ARL8B: variants seen among roughly 807,000 people sequenced by gnomAD.
The protein encoded by ARL8B is ARF like GTPase 8B.
In ARL8B, 9 loss-of-function variants were observed where a neutral mutation model predicts 30.6. The ratio of observed to expected loss-of-function variants is 0.29; its 90% CI spans 0.18 to 0.51. The LOEUF (loss-of-function observed/expected upper bound fraction) is 0.51. Among genes scored for constraint, ARL8B ranks in the 20% least tolerant of loss-of-function variants. ARL8B has a pLI of 0.97. For synonymous variants in ARL8B, 74 were observed against 76.0 expected (o/e 0.97, Z 0.14); for missense variants, 130 against 227.2 (o/e 0.57, Z 2.75).
rs955374222 is a variant in ARL8B at position 5,180,879 on chromosome 3, A to G, written c.*2166A>G. ...CCTCAAAGAATGGGGTCTGTGGGCT[A>G]GTTAAAATAGAAATAAACTTTTAAA... On this transcript the variant is annotated 3_prime_UTR_variant, in exon 7 of 7. Transcript: ENST00000256496. The G allele has an allele frequency of 7.9e-5, 12 of 152,594 alleles. No individual in the cohort carries two copies. Among genetic ancestry groups the G allele is most frequent in the African/African-American group, 2.9e-4 (12 of 41,444 alleles). The allele number at this position is 152,594 out of a possible 1,614,324, so 9.5% of individuals were successfully genotyped here.
In ARL8B at chr3:5,172,238, T is replaced by C; in HGVS notation, c.278+15T>C. On this transcript the variant is annotated intron_variant, in intron 3 of 6. Coordinates refer to ENST00000256496, the MANE Select transcript of ARL8B (RefSeq NM_018184.3). ...AATGCTATTGTGTAAGTGGTTTTTT[T>C]TTGTTTGTTTGCTTTTAAATCAATG... The C allele has an allele frequency of 1.2e-6, 2 of 1,600,994 alleles. No individual in the cohort carries two copies. Among genetic ancestry groups the C allele is most frequent in the Non-Finnish European group, 1.7e-6 (2 of 1,173,900 alleles).
intron 6 of ARL8B, among the ~76,000 whole-genome samples, chr3:5,175,691 C>A (rs777847384): frequency 2.0e-5 from 3 of 152,168 alleles, no homozygotes; most frequent in African/African-American, 7.2e-5. Flanking sequence ...TCAGCAGGGT[C>A]GTGTTCTCTC....
At chr3:5,131,120 C>A (rs2054279331) in intron 1 of ARL8B, among the ~76,000 whole-genome samples, 1 of 151,954 alleles carries the variant, frequency 6.6e-6, no homozygotes. Context: ...ACCATGTGGG[C>A]CAGGCTGGTG....
chr3:5,140,475 A>C (rs977963091), intron 1 of ARL8B, among the ~76,000 whole-genome samples: 5 of 151,900 alleles, frequency 3.3e-5, no homozygotes, highest in Admixed American at 3.3e-4. Flanking sequence ...ACTGTGAGTC[A>C]ATTAAACCTC....
At chr3:5,175,867 G>A (rs904820710) in intron 6 of ARL8B, among the ~76,000 whole-genome samples, 4 of 152,074 alleles carry the variant, frequency 2.6e-5, no homozygotes, top group African/African-American at 9.7e-5. Flanking sequence ...TCCTAAGGAC[G>A]CAAGTCACTG....
intron 1 of ARL8B, among the ~76,000 whole-genome samples, chr3:5,135,850 G>A (rs942580688): frequency 6.9e-6 from 1 of 144,758 alleles, no homozygotes; most frequent in Non-Finnish European, 1.5e-5. Flanking sequence ...GCAGTGGCGC[G>A]ATGTTGGCTC....
chr3:5,155,632 C>T (rs374117607), intron 1 of ARL8B, among the ~76,000 whole-genome samples: 4 of 151,302 alleles, frequency 2.6e-5, no homozygotes, highest in African/African-American at 9.7e-5. Flanking sequence ...TAATTAATTC[C>T]ATTTGTCCTA....
At chr3:5,175,475 A>G (rs1411222419) in intron 6 of ARL8B, among the ~76,000 whole-genome samples, 5 of 152,224 alleles carry the variant, frequency 3.3e-5, no homozygotes, top group Non-Finnish European at 7.3e-5. Context: ...AGGCACTACA[A>G]CAATTTTTCA....
intron 1 of ARL8B, among the ~76,000 whole-genome samples, chr3:5,165,571 G>A (rs1036781410): frequency 5.9e-5 from 9 of 152,004 alleles, no homozygotes; most frequent in South Asian, 4.2e-4. Context: ...CTGTACCAAA[G>A]GAAAAAATCT....
At chr3:5,165,096 G>T (rs2106568226) in intron 1 of ARL8B, among the ~76,000 whole-genome samples, 1 of 152,230 alleles carries the variant, frequency 6.6e-6, no homozygotes, top group Non-Finnish European at 1.5e-5. Flanking sequence ...ACAAAGTGTT[G>T]CCTGATTTCT....
At chr3:5,138,011 T>TTTG (rs202226312) in intron 1 of ARL8B, among the ~76,000 whole-genome samples, 2 of 152,008 alleles carry the variant, frequency 1.3e-5, no homozygotes, top group Admixed American at 6.6e-5. Flanking sequence ...ATGAGAGGTT[T>TTTG]TTGTTGTTGT....
intron 1 of ARL8B, among the ~76,000 whole-genome samples, chr3:5,134,039 T>G (rs780748167): frequency 1.3e-5 from 2 of 152,218 alleles, no homozygotes; most frequent in Non-Finnish European, 2.9e-5. Flanking sequence ...GAATGCTATA[T>G]TTAAGTTCAG....
chr3:5,173,367 T>C (rs982658354), intron 4 of ARL8B, among the ~76,000 whole-genome samples: 3 of 152,148 alleles, frequency 2.0e-5, no homozygotes, highest in Admixed American at 1.3e-4. Context: ...ATAATGCAAA[T>C]CCAAAAAATT....
intron 2 of ARL8B, among the ~76,000 whole-genome samples, chr3:5,171,738 C>T (rs1365391859): frequency 1.3e-5 from 2 of 152,226 alleles, no homozygotes; most frequent in African/African-American, 4.8e-5. Context: ...TAATGTAGAA[C>T]AAATCAGACG....
rs190468531 is a variant in ARL8B at position 5,147,428 on chromosome 3, C to G, written c.124-23075C>G. 3.2e-3 allele frequency among the ~76,000 whole-genome samples: 490 copies of G among 152,190 alleles called. 2 individuals are homozygous for G. Among genetic ancestry groups the G allele is most frequent in the Non-Finnish European group, 5.2e-3 (357 of 68,014 alleles). On this transcript the variant is annotated intron_variant, in intron 1 of 6. Transcript: ENST00000256496. ...CATTGTTGGACATTTGGGTTGGTTCCAAGTCTTTGCTATTGGGGTCTTCTT... is the reference window on the plus strand; with the variant it reads ...CATTGTTGGACATTTGGGTTGGTTCGAAGTCTTTGCTATTGGGGTCTTCTT...
chr3:5,128,162 C>CAAAAA, intron 1 of ARL8B, among the ~76,000 whole-genome samples: 1 of 53,160 alleles, frequency 1.9e-5, no homozygotes, highest in Non-Finnish European at 4.3e-5. Context: ...AAATCCGTCT[C>CAAAAA]AAAAAAAAAA....
chr3:5,162,337 C>T (rs1690933807), intron 1 of ARL8B, among the ~76,000 whole-genome samples: 1 of 152,200 alleles, frequency 6.6e-6, no homozygotes, highest in African/African-American at 2.4e-5. Flanking sequence ...GCATGCAGGC[C>T]ACAGTCTACG....
At chr3:5,176,809 A>G (rs1363376828) in intron 6 of ARL8B, among the ~76,000 whole-genome samples, 1 of 152,194 alleles carries the variant, frequency 6.6e-6, no homozygotes, top group Non-Finnish European at 1.5e-5. Flanking sequence ...CCATGAGAGC[A>G]TTTATTTCTA....
intron 6 of ARL8B, among the ~76,000 whole-genome samples, chr3:5,176,863 A>G (rs963834789): frequency 4.6e-5 from 7 of 152,194 alleles, no homozygotes; most frequent in African/African-American, 1.7e-4. Context: ...AGGAGACTTG[A>G]CAATGTCTGG....
Sources: gnomAD v4.1 joint callset for allele counts (sites outside exome capture counted in the v4.1 genomes callset) on GRCh38, gnomAD v4.1.1 for gene constraint, MANE v1.5 for transcripts, NCBI Gene and HGNC (gene_info 2026-07-23, HGNC 2026-07-21) for gene names.